LUZP2: variants seen among roughly 807,000 people sequenced by gnomAD.
LUZP2 encodes the protein leucine zipper protein 2.
Under a neutral mutation model 51.6 loss-of-function variants are expected in LUZP2, and 52 were observed. The ratio of observed to expected loss-of-function variants is 1.01; its 90% confidence interval spans 0.81 to 1.27. LUZP2 has a LOEUF of 1.27. Among genes scored for constraint, LUZP2 ranks in the 50% most tolerant of loss-of-function variants. The pLI is 0.00. For missense variants in LUZP2, 436 were observed against 395.4 expected (o/e 1.10, Z -0.87); for synonymous variants, 154 against 137.3 (o/e 1.12, Z -0.85).
intron 5 of LUZP2, among the ~76,000 whole-genome samples, chr11:24,797,032 G>A (rs1849567104): frequency 6.6e-6 from 1 of 152,060 alleles, no homozygotes; most frequent in South Asian, 2.1e-4. Context: ...CCCTAGCTGC[G>A]TGACCTTGTG....
At chr11:24,581,272 A>G (rs1038669326) in intron 1 of LUZP2, among the ~76,000 whole-genome samples, 1 of 152,150 alleles carries the variant, frequency 6.6e-6, no homozygotes, top group Non-Finnish European at 1.5e-5. Context: ...ACAAACAACA[A>G]CAAAGTAAAC....
chr11:24,820,708 A>G (rs546388556), intron 5 of LUZP2, among the ~76,000 whole-genome samples: 1 of 152,274 alleles, frequency 6.6e-6, no homozygotes, highest in South Asian at 2.1e-4. Context: ...AATATGATTC[A>G]GAGATTGCTC....
At chr11:24,977,707 G>A (rs913138042) in intron 8 of LUZP2, among the ~76,000 whole-genome samples, 1 of 151,430 alleles carries the variant, frequency 6.6e-6, no homozygotes, top group African/African-American at 2.4e-5. Context: ...ATAAATATAT[G>A]TATGTTGCAC....
chr11:24,528,002 G>T (rs1194320601), intron 1 of LUZP2, among the ~76,000 whole-genome samples: 3 of 151,178 alleles, frequency 2.0e-5, no homozygotes, highest in Admixed American at 2.0e-4. Flanking sequence ...TCCATTCCTG[G>T]TAAGATGTCT....
At chr11:24,536,746 C>T (rs150817456) in intron 1 of LUZP2, among the ~76,000 whole-genome samples, 1 of 151,834 alleles carries the variant, frequency 6.6e-6, no homozygotes, top group East Asian at 1.9e-4. Context: ...TTTTAATTTC[C>T]TTCAAGAACA....
rs535139390 is a variant in LUZP2, at chr11:24,642,268, T to C, written c.63-86901T>C. On this transcript the variant is annotated intron_variant, in intron 1 of 11. Coordinates refer to ENST00000336930, the MANE Select transcript of LUZP2 (RefSeq NM_001009909.4). ...AGAGTTACACAACAATTAGACTGTT[T>C]TGTCACATTCTGCATTTTGTCCTGG... Among the ~76,000 whole-genome samples the C allele has an allele frequency of 1.1e-4, 16 of 151,988 alleles. No homozygotes were observed. The South Asian group carries it at 3.1e-3, about 30-fold the overall frequency.
At chr11:24,960,887 G>A (rs1855374455) in intron 7 of LUZP2, among the ~76,000 whole-genome samples, 1 of 151,982 alleles carries the variant, frequency 6.6e-6, no homozygotes, top group Non-Finnish European at 1.5e-5. Context: ...GGCATTTAGT[G>A]CTAAAAATTT....
At chr11:24,799,613 A>C (rs1311516050) in intron 5 of LUZP2, among the ~76,000 whole-genome samples, 1 of 151,678 alleles carries the variant, frequency 6.6e-6, no homozygotes, top group East Asian at 1.9e-4. Context: ...TGAAAAATGC[A>C]AACCAGGACC....
chr11:24,919,392 A>G (rs1195918855), intron 7 of LUZP2, among the ~76,000 whole-genome samples: 1 of 56,164 alleles, frequency 1.8e-5, no homozygotes, highest in African/African-American at 7.9e-5. Context: ...TATTGATAAT[A>G]TATGTTATAT....
chr11:24,862,565 G>C (rs538035822), intron 5 of LUZP2, among the ~76,000 whole-genome samples: 3 of 152,248 alleles, frequency 2.0e-5, no homozygotes, highest in Admixed American at 2.0e-4. Flanking sequence ...TGGGCTAAAA[G>C]TCCCAGTTAA....
intron 1 of LUZP2, among the ~76,000 whole-genome samples, chr11:24,640,287 C>G (rs1008511507): frequency 6.6e-6 from 1 of 151,774 alleles, no homozygotes; most frequent in Non-Finnish European, 1.5e-5. Flanking sequence ...GCATCTTGGT[C>G]GTTACTAACT....
At chr11:24,858,130 G>C (rs1851626765) in intron 5 of LUZP2, among the ~76,000 whole-genome samples, 1 of 152,060 alleles carries the variant, frequency 6.6e-6, no homozygotes, top group South Asian at 2.1e-4. Flanking sequence ...TTTCACATAT[G>C]CTGTGTCTAA....
intron 4 of LUZP2, among the ~76,000 whole-genome samples, chr11:24,746,092 T>C (rs536353531): frequency 7.9e-5 from 12 of 152,172 alleles, no homozygotes; most frequent in Non-Finnish European, 5.9e-5. Flanking sequence ...TGTTATGTAC[T>C]TGGTGTTTTT....
At chr11:24,749,732 A>C (rs1420009224) in intron 4 of LUZP2, among the ~76,000 whole-genome samples, 1 of 152,102 alleles carries the variant, frequency 6.6e-6, no homozygotes, top group African/African-American at 2.4e-5. Context: ...GCCTCCTCCC[A>C]TTTCTCCTGC....
chr11:24,959,006 T>C (rs1409122370), intron 7 of LUZP2, among the ~76,000 whole-genome samples: 1 of 152,196 alleles, frequency 6.6e-6, no homozygotes, highest in Non-Finnish European at 1.5e-5. Context: ...ATTTATTAAA[T>C]AGGGAATCCT....
At chr11:24,891,717 T>C (rs1852858659) in intron 5 of LUZP2, 1 of 786,792 alleles carries the variant, frequency 1.3e-6, no homozygotes, top group African/African-American at 1.9e-5. Flanking sequence ...TTGTCTGGAA[T>C]AGAATCTGAG....
intron 5 of LUZP2, among the ~76,000 whole-genome samples, chr11:24,778,363 TGTG>T (rs1222661833): frequency 6.6e-6 from 1 of 152,156 alleles, no homozygotes; most frequent in African/African-American, 2.4e-5. Context: ...CACAGTGAGT[TGTG>T]GTCATACCAC....
chr11:24,559,637 T>A (rs575740512), intron 1 of LUZP2, among the ~76,000 whole-genome samples: 50 of 152,290 alleles, frequency 3.3e-4, no homozygotes, highest in African/African-American at 1.2e-3. Flanking sequence ...ATAAAGTAGG[T>A]TTAAATAAGT....
Position 24,762,239 on chromosome 11 carries a change from GTC to G in LUZP2, c.334-1003_334-1002del, listed in dbSNP as rs1860009004. On this transcript the variant is annotated intron_variant, in intron 4 of 11. Transcript: ENST00000336930. ...TCTTCAGAGATCACCTGGATCGTGA[GTC>G]TCTTTTATCATTTCAGGAAACTTCT... Among the ~76,000 whole-genome samples the G allele has an allele frequency of 2.0e-5, 3 of 152,190 alleles. No individual in the cohort carries two copies. In the South Asian group the frequency reaches 6.2e-4, roughly 32 times the overall value.
Sources: allele counts gnomAD v4.1 joint callset (sites outside exome capture counted in the v4.1 genomes callset), GRCh38; gene constraint gnomAD v4.1.1; transcripts MANE v1.5; gene names NCBI Gene and HGNC (gene_info 2026-07-23, HGNC 2026-07-21).